TCF4: variants seen among roughly 807,000 people sequenced by gnomAD.
TCF4 encodes the protein SL3-3 enhancer factor 2.
In TCF4, 3 loss-of-function variants were observed where a neutral mutation model predicts 82.1. The ratio of observed to expected loss-of-function variants is 0.04; its 90% CI spans 0.02 to 0.09. The LOEUF (loss-of-function observed/expected upper bound fraction) is 0.09. TCF4 is among the 10% of genes least tolerant of loss of function. The pLI is 1.00. For missense variants in TCF4, 518 were observed against 852.7 expected (o/e 0.61, Z 4.89); for synonymous variants, 276 against 309.6 (o/e 0.89, Z 1.14).
At chr18:55,505,399 A>C (rs2096743578) in intron 3 of TCF4, among the ~76,000 whole-genome samples, 1 of 152,210 alleles carries the variant, frequency 6.6e-6, no homozygotes, top group African/African-American at 2.4e-5. Flanking sequence ...TATTATAGCT[A>C]ACACTTATGC....
At chr18:55,251,315 C>T (rs2055016224) in intron 15 of TCF4, among the ~76,000 whole-genome samples, 1 of 135,802 alleles carries the variant, frequency 7.4e-6, no homozygotes, top group East Asian at 2.1e-4. Flanking sequence ...TGAGCCATGC[C>T]GCTGTGAAAA....
chr18:55,599,385 A>T (rs2097694322), intron 2 of TCF4, among the ~76,000 whole-genome samples: 1 of 152,102 alleles, frequency 6.6e-6, no homozygotes, highest in African/African-American at 2.4e-5. Flanking sequence ...AGTGCTCTGA[A>T]CTCATTTACT....
intron 5 of TCF4, among the ~76,000 whole-genome samples, chr18:55,415,608 T>C (rs1488545138): frequency 6.6e-6 from 1 of 152,216 alleles, no homozygotes; most frequent in Non-Finnish European, 1.5e-5. Context: ...GTGCTCAATT[T>C]AGGATCAGTA....
intron 6 of TCF4, among the ~76,000 whole-genome samples, chr18:55,387,175 T>C (rs899921560): frequency 6.6e-6 from 1 of 152,256 alleles, no homozygotes; most frequent in Non-Finnish European, 1.5e-5. Context: ...TCTAAGTTCA[T>C]TCCACATTTT....
At chr18:55,571,910 ACT>A (rs996406333) in intron 3 of TCF4, among the ~76,000 whole-genome samples, 34 of 151,922 alleles carry the variant, frequency 2.2e-4, no homozygotes, top group Non-Finnish European at 4.3e-4. Flanking sequence ...TGCTGTTGAA[ACT>A]CTCTGTGTCC....
Position 55,298,089 on chromosome 18 carries a change from A to C in TCF4, c.550-18433T>G, listed in dbSNP as rs149340753. On this transcript the variant is annotated intron_variant, in intron 8 of 19. Transcript: ENST00000354452. ...CCTCTGCAAGCTTTCCTAAATTTCA[A>C]TCTGCAAACCAAATTGATGTTGGGC... 1.6e-3 allele frequency among the ~76,000 whole-genome samples: 250 copies of C among 152,274 alleles called. 3 individuals carry two copies. The highest frequency in any genetic ancestry group is 4.7e-3 in the African/African-American group (197 of 41,554).
At chr18:55,300,594 G>A (rs1053515279) in intron 8 of TCF4, among the ~76,000 whole-genome samples, 4 of 152,134 alleles carry the variant, frequency 2.6e-5, no homozygotes, top group African/African-American at 7.2e-5. Context: ...CCATATGTCG[G>A]TTCTTCCAGA....
At chr18:55,483,536 T>C (rs1244696930) in intron 3 of TCF4, among the ~76,000 whole-genome samples, 2 of 152,232 alleles carry the variant, frequency 1.3e-5, no homozygotes, top group African/African-American at 2.4e-5. Context: ...AAAAATGCAG[T>C]GAAACAGTCA....
chr18:55,420,654 A>C (rs536648336), intron 5 of TCF4, among the ~76,000 whole-genome samples: 1 of 152,294 alleles, frequency 6.6e-6, no homozygotes, highest in Non-Finnish European at 1.5e-5. Context: ...CTAACAGTAA[A>C]TTTATCAAAG....
intron 2 of TCF4, among the ~76,000 whole-genome samples, chr18:55,625,210 T>TAA (rs1235960539): frequency 6.6e-6 from 1 of 152,126 alleles, no homozygotes; most frequent in Non-Finnish European, 1.5e-5. Flanking sequence ...TTAATCTTTA[T>TAA]TAATGTTATT....
intron 6 of TCF4, chr18:55,402,179 T>C (rs913310500): frequency 1.0e-6 from 1 of 985,318 alleles, no homozygotes; most frequent in African/African-American, 1.7e-5. Flanking sequence ...TTCACCTCAA[T>C]GCAACAAATC....
At chr18:55,491,637 G>A (rs77857012) in intron 3 of TCF4, among the ~76,000 whole-genome samples, 2,346 of 152,158 alleles carry the variant, frequency 0.015, 35 homozygotes, top group Non-Finnish European at 0.02. Flanking sequence ...TTCACATACC[G>A]CGCTCACACA....
At chr18:55,401,017 G>T in intron 6 of TCF4, 1 of 1,289,088 alleles carries the variant, frequency 7.8e-7, no homozygotes, top group Non-Finnish European at 1.0e-6. Context: ...ACACAGTGGG[G>T]AATCATTTCA....
Position 55,618,577 on chromosome 18 carries a change from CT to C in TCF4, c.286+12720del, listed in dbSNP as rs1052622677. Among the ~76,000 whole-genome samples, 164 of 147,826 alleles carry C rather than the reference CT, an allele frequency of 1.1e-3. 1 individual carries two copies. The highest frequency in any genetic ancestry group is 4.5e-3 in the East Asian group (23 of 5,094). ...TATTTTTCTACAATTTTTCTTTTCT[CT>C]TTTTTTTTTGTTTGTTTTTTTGAGA... On this transcript the variant is annotated intron_variant, in intron 2 of 20. Coordinates refer to the TCF4 transcript ENST00000398339.
chr18:55,454,277 T>TTTGCCCAGTCAAGGATATA (rs1193106867), intron 5 of TCF4, among the ~76,000 whole-genome samples: 1 of 152,176 alleles, frequency 6.6e-6, no homozygotes, highest in Non-Finnish European at 1.5e-5. Flanking sequence ...GGCAGAATAT[T>TTTGCCCAGTCAAGGATATA]TTGCCCAGTC....
chr18:55,635,695 G>T (rs1430628495), intron 1 of TCF4: 21 of 1,546,544 alleles, frequency 1.4e-5, no homozygotes, highest in Non-Finnish European at 1.7e-5. Context: ...CCAAATGCTG[G>T]TTCCTACCTC....
chr18:55,535,385 C>T (rs1469243932), intron 3 of TCF4, among the ~76,000 whole-genome samples: 5 of 152,162 alleles, frequency 3.3e-5, no homozygotes, highest in African/African-American at 1.2e-4. Flanking sequence ...AAAAAACCTG[C>T]AGCGACCATT....
chr18:55,448,169 C>G (rs1016636368), intron 5 of TCF4, among the ~76,000 whole-genome samples: 2 of 152,192 alleles, frequency 1.3e-5, no homozygotes, highest in African/African-American at 4.8e-5. Context: ...CACCTAATCA[C>G]AGTGACCATG....
chr18:55,631,054 T>TG (rs914561542), intron 2 of TCF4, among the ~76,000 whole-genome samples: 3 of 151,008 alleles, frequency 2.0e-5, no homozygotes, highest in African/African-American at 4.9e-5. Context: ...GCAATGGGTT[T>TG]TTTTTTTTTT....
Sources: gnomAD v4.1 joint callset for allele counts (sites outside exome capture counted in the v4.1 genomes callset) on GRCh38, gnomAD v4.1.1 for gene constraint, MANE v1.5 for transcripts, NCBI Gene and HGNC (gene_info 2026-07-23, HGNC 2026-07-21) for gene names.